TSPEAR: variants seen among roughly 807,000 people sequenced by gnomAD.
The protein encoded by TSPEAR is thrombospondin type laminin G domain and EAR repeats, also known as thrombospondin-type laminin G domain and EAR repeat-containing protein.
In TSPEAR, 69 loss-of-function variants were observed where a neutral mutation model predicts 71.6. The ratio of observed to expected loss-of-function variants is 0.96; its 90% CI spans 0.79 to 1.18. The LOEUF (loss-of-function observed/expected upper bound fraction) is 1.18, where lower values mean the gene tolerates loss of function less well. Ranked by LOEUF, TSPEAR falls within the 50% of genes most tolerant of loss-of-function variation. The pLI is 0.00. For synonymous variants in TSPEAR, 402 were observed against 387.2 expected (o/e 1.04, Z -0.45); for missense variants, 971 against 894.9 (o/e 1.09, Z -1.09).
At chr21:44,562,708 G>T (rs1555921267) in intron 2 of TSPEAR, among the ~76,000 whole-genome samples, 2 of 152,240 alleles carry the variant, frequency 1.3e-5, no homozygotes, top group East Asian at 3.9e-4. Context: ...AAGGTAGTAT[G>T]ATGGTACATT....
At chr21:44,702,508 G>A (rs1381361759) in intron 1 of TSPEAR, 29 of 1,608,376 alleles carry the variant, frequency 1.8e-5, no homozygotes, top group East Asian at 1.6e-4. Flanking sequence ...TTGCAAGCCC[G>A]TCTGCTGTGT....
At chr21:44,633,929 A>G (rs587675440) in intron 1 of TSPEAR, among the ~76,000 whole-genome samples, 53 of 152,120 alleles carry the variant, frequency 3.5e-4, no homozygotes, top group African/African-American at 1.3e-3. Flanking sequence ...TGTTAGGTAC[A>G]TGAATGTTTA....
rs1987725031 is a variant in TSPEAR at position 44,702,852 on chromosome 21, C to T, written c.82+8581G>A. 5 of 875,452 alleles carry T rather than the reference C, an allele frequency of 5.7e-6. No homozygotes were observed. The South Asian group carries it at 6.0e-5, about 11-fold the overall frequency. 54.2% of individuals were successfully genotyped at this position (875,452 alleles called of 1,614,324 possible). On this transcript the variant is annotated intron_variant, in intron 1 of 11. Transcript: ENST00000323084. ...GGCTCAGGTTCCCCCCAACCTCTCC[C>T]ACTGCTGACCTCTCAGCACACGCAC...
Position 44,499,807 on chromosome 21 carries a change from C to G in TSPEAR, c.1986G>C (p.Arg662Ser), listed in dbSNP as rs1006064594. Residue 662 changes from arginine to serine, a missense_variant, in exon 12 of 12, where the codon AGG becomes AGC. Physicochemically the swap from Arg to Ser is moderately radical, Grantham distance 110 (BLOSUM62 -1). Coordinates refer to ENST00000323084, the MANE Select transcript of TSPEAR (RefSeq NM_144991.3). ...IYSSAKEPLS[R>S]VLRLRTR The stretch of plus-strand genomic sequence containing the variant: ...CTCAGCGTGTCCTCAGCCGCAGGAC[C>G]CTGGAGAGGGGCTCCTTGGCGCTGG... 2 of 1,576,382 alleles carry G rather than the reference C, an allele frequency of 1.3e-6. No individual in the cohort carries two copies. The highest frequency in any genetic ancestry group is 1.7e-6 in the Non-Finnish European group (2 of 1,162,306).
At chr21:44,530,628 A>G (rs797043308) in intron 4 of TSPEAR, among the ~76,000 whole-genome samples, 3 of 152,362 alleles carry the variant, frequency 2.0e-5, no homozygotes, top group African/African-American at 7.2e-5. Flanking sequence ...ATGGCTCTAG[A>G]CACTGGACTC....
At position 44,702,710 on chromosome 21, in the gene TSPEAR, A is replaced by T. The variant is rs576729258; in HGVS notation, c.82+8723T>A. ...TTCTCCTGCCAGCCCAGCTGCTGCC[A>T]CCCAGCCTCCTGCGTGTCCCTCCTC... On this transcript the variant is annotated intron_variant, in intron 1 of 11. Coordinates refer to ENST00000323084, the MANE Select transcript of TSPEAR (RefSeq NM_144991.3). 1.7e-5 allele frequency: 25 copies of T among 1,490,668 alleles called. No homozygotes were observed. In the East Asian group the frequency reaches 5.2e-4, roughly 31 times the overall value. 92.3% of individuals were successfully genotyped at this position (1,490,668 alleles called of 1,614,324 possible).
chr21:44,627,333 C>CA (rs1982885134), intron 1 of TSPEAR: 1 of 1,613,178 alleles, frequency 6.2e-7, no homozygotes, highest in African/African-American at 1.3e-5. Flanking sequence ...GCCGTGTATC[C>CA]AGCCCCTGCT....
In TSPEAR at chr21:44,543,404, G is replaced by A. The variant is rs146307690; in HGVS notation, c.304-9481C>T. ...TTTACATGAGACTTTAAAAAGTCATGGATTCATGTTATAATCTCCACTATA... is the reference window on the plus strand; with the variant it reads ...TTTACATGAGACTTTAAAAAGTCATAGATTCATGTTATAATCTCCACTATA... On this transcript the variant is annotated intron_variant, in intron 2 of 11. Coordinates refer to ENST00000323084, the MANE Select transcript of TSPEAR (RefSeq NM_144991.3). Among the ~76,000 whole-genome samples, 7 of 152,252 alleles carry A rather than the reference G, an allele frequency of 4.6e-5. No homozygotes were observed. The East Asian group carries it at 1.4e-3, about 29-fold the overall frequency.
rs1160153692 is a variant in TSPEAR at position 44,545,345 on chromosome 21, TA to T, written c.304-11423del. 5.5e-3 allele frequency among the ~76,000 whole-genome samples: 818 copies of T among 147,432 alleles called. 11 individuals carry two copies. Among genetic ancestry groups the T allele is most frequent in the African/African-American group, 0.016 (657 of 40,088 alleles). ...AAAAAAAATTGATTAATTAATTAAT[TA>T]AAAAAAAAAGAATTAAATTGACATT... On this transcript the variant is annotated intron_variant, in intron 2 of 11. Transcript: ENST00000323084.
intron 3 of TSPEAR, among the ~76,000 whole-genome samples, chr21:44,532,720 C>T (rs782703093): frequency 3.3e-5 from 5 of 152,278 alleles, no homozygotes; most frequent in South Asian, 2.1e-4. Flanking sequence ...TAGATCCTGA[C>T]ATGGGTAACC....
At chr21:44,581,789 C>T (rs1049238216) in intron 1 of TSPEAR, among the ~76,000 whole-genome samples, 2 of 152,174 alleles carry the variant, frequency 1.3e-5, no homozygotes, top group African/African-American at 2.4e-5. Flanking sequence ...AGCATTTAAA[C>T]GTTTTTCCCC....
chr21:44,699,916 C>T (rs1185223032), intron 1 of TSPEAR, among the ~76,000 whole-genome samples: 1 of 152,194 alleles, frequency 6.6e-6, no homozygotes, highest in East Asian at 1.9e-4. Context: ...CCCCGTCCCC[C>T]GCCCTGCCCT....
At chr21:44,530,985 C>T in intron 4 of TSPEAR, 58 bp downstream of exon 4, 1 of 1,387,262 alleles carries the variant, frequency 7.2e-7, no homozygotes, top group Non-Finnish European at 1.0e-6. Context: ...GGACAACTGG[C>T]CTGGGGCAGT....
chr21:44,560,406 T>G (rs2053615329), intron 2 of TSPEAR, among the ~76,000 whole-genome samples: 1 of 152,198 alleles, frequency 6.6e-6, no homozygotes, highest in African/African-American at 2.4e-5. Context: ...CACCCTGCTG[T>G]CAATATTAGA....
chr21:44,649,130 G>A (rs587738744), intron 1 of TSPEAR, among the ~76,000 whole-genome samples: 19 of 152,352 alleles, frequency 1.2e-4, no homozygotes, highest in East Asian at 7.7e-4. Flanking sequence ...GGACAGAGCC[G>A]GACGGCTCCT....
At chr21:44,696,693 G>A (rs1167881330) in intron 1 of TSPEAR, among the ~76,000 whole-genome samples, 3 of 152,210 alleles carry the variant, frequency 2.0e-5, no homozygotes, top group Non-Finnish European at 4.4e-5. Flanking sequence ...GAAATTAGGG[G>A]GAAATAATAG....
intron 2 of TSPEAR, among the ~76,000 whole-genome samples, chr21:44,550,062 G>T (rs2053378208): frequency 6.6e-6 from 1 of 152,242 alleles, no homozygotes; most frequent in Admixed American, 6.5e-5. Context: ...CCCAACCCTT[G>T]CCATGGGAAG....
intron 1 of TSPEAR, chr21:44,573,970 C>A (rs1555923160): frequency 1.9e-6 from 3 of 1,611,770 alleles, no homozygotes. Flanking sequence ...TGCCCAGTGA[C>A]CTGTGAGCCC....
rs782498507 is a variant in TSPEAR, at chr21:44,612,022, G to T, written c.83-44017C>A. ...CCTGTGAGGAAAATACCCAGGGAGGGTATAAAACCTCAGCAGCCAGGGCAC... is the reference window on the plus strand; with the variant it reads ...CCTGTGAGGAAAATACCCAGGGAGGTTATAAAACCTCAGCAGCCAGGGCAC... On this transcript the variant is annotated intron_variant, in intron 1 of 11. Transcript: ENST00000323084. This position sits in a 1 kb window ranked among gnomAD's most constrained non-coding sequence, Gnocchi z 4.1. 311 of 1,428,014 alleles carry T rather than the reference G, an allele frequency of 2.2e-4. No homozygotes were observed. Among genetic ancestry groups the T allele is most frequent in the Non-Finnish European group, 2.7e-4 (278 of 1,031,748 alleles). 88.5% of individuals were successfully genotyped at this position (1,428,014 alleles called of 1,614,324 possible).
Sources: allele counts gnomAD v4.1 joint callset (sites outside exome capture counted in the v4.1 genomes callset), GRCh38; gene constraint gnomAD v4.1.1; non-coding constraint Gnocchi (gnomAD v3.1); transcripts MANE v1.5; gene names NCBI Gene and HGNC (gene_info 2026-07-23, HGNC 2026-07-21).